Variants in TPM1 observed in about 807,000 individuals in gnomAD.
TPM1 encodes the protein tropomyosin alpha-1 chain.
A neutral mutation model predicts 42.9 loss-of-function variants in TPM1; 24 were observed. The observed-to-expected ratio is 0.56, with a 90% CI of 0.41 to 0.79. The LOEUF is 0.79. TPM1 is among the 30% of genes least tolerant of loss of function. TPM1 has a pLI of 0.00. For missense variants in TPM1, 158 were observed against 351.8 expected, an observed-to-expected ratio of 0.45 and a Z score of 4.41; for synonymous variants, 136 against 130.1, an observed-to-expected ratio of 1.05 and a Z score of -0.31.
At chr15:63,045,487 A>T (rs888937987) in intron 2 of TPM1, 9 of 152,252 alleles carry the variant, frequency 5.9e-5, no homozygotes, top group Non-Finnish European at 8.8e-5. Flanking sequence ...TGCTCTATAT[A>T]TGGCTAAATG....
chr15:63,063,806 A>T (rs2035961911), intron 8 of TPM1: 2 of 494,878 alleles, frequency 4.0e-6, no homozygotes, highest in Admixed American at 3.6e-5. Context: ...TATACCTACC[A>T]TATTTGTTAG....
chr15:63,057,123 G>A lies in TPM1; in HGVS notation c.374+5G>A, dbSNP rs2034929784. On this transcript the variant is annotated splice_donor_5th_base_variant and intron_variant, in intron 3 of 9. Coordinates refer to ENST00000403994, the MANE Select transcript of TPM1 (RefSeq NM_001018005.2). ...GGCAGCAGATGAGAGTGAGAGGTGA[G>A]AATGCCTCATCAGCCATCTTTTGCA... 6.2e-7 allele frequency: 1 copy of A among 1,614,100 alleles called. No homozygotes were observed. Among genetic ancestry groups the A allele is most frequent in the Non-Finnish European group, 8.5e-7 (1 of 1,179,990 alleles).
chr15:63,063,162 C>T (rs970984545), intron 8 of TPM1: 2 of 983,662 alleles, frequency 2.0e-6, no homozygotes, highest in East Asian at 2.3e-4. Flanking sequence ...TTCCCTAAGG[C>T]ACTTAGGTTT....
rs753572625 is a variant in TPM1 at position 63,065,929 on chromosome 15, C to T, written c.*30C>T. On this transcript the variant is annotated 3_prime_UTR_variant, in exon 10 of 10. Coordinates refer to ENST00000403994, the MANE Select transcript of TPM1 (RefSeq NM_001018005.2). ...CTTTGCTTCACTTCTCCCAAGACTCCCTCGTCGAGCTGGATGTCCCACCTC... is the reference window on the plus strand; with the variant it reads ...CTTTGCTTCACTTCTCCCAAGACTCTCTCGTCGAGCTGGATGTCCCACCTC... 27 of 1,610,010 alleles carry T rather than the reference C, an allele frequency of 1.7e-5. No individual in the cohort carries two copies. The Middle Eastern group carries it at 2.5e-3, about 148-fold the overall frequency.
intron 2 of TPM1, chr15:63,056,554 CTA>C: frequency 5.6e-6 from 1 of 177,808 alleles, no homozygotes; most frequent in Non-Finnish European, 1.1e-5. Flanking sequence ...GTAGTCCCAA[CTA>C]CTCGGGAGGC....
intron 1 of TPM1, 38 bp downstream of exon 1, chr15:63,042,981 G>A (rs986715486): frequency 1.3e-6 from 2 of 1,541,046 alleles, no homozygotes; most frequent in African/African-American, 2.7e-5. Context: ...CGCCCAGAGC[G>A]CCGGGACTCG....
intron 5 of TPM1, 27 bp from the exon 6 acceptor site, chr15:63,061,686 C>T (rs766242495): frequency 6.2e-7 from 1 of 1,610,686 alleles, no homozygotes. Context: ...GTCTCCCACC[C>T]TTTCTGCCTC....
chr15:63,060,248 A>G (rs1327977794), intron 4 of TPM1, among the ~76,000 whole-genome samples: 1 of 152,234 alleles, frequency 6.6e-6, no homozygotes, highest in Admixed American at 6.5e-5. Context: ...ATTGGATCAC[A>G]TCGTGGCTAT....
chr15:63,070,028 A>G, downstream of TPM1: 1 of 1,600,504 alleles, frequency 6.2e-7, no homozygotes, highest in South Asian at 1.1e-5. Flanking sequence ...TTCAACTAAT[A>G]GAGTTGAAAA....
At chr15:63,049,809 A>G (rs1475829261) in intron 2 of TPM1, among the ~76,000 whole-genome samples, 1 of 152,224 alleles carries the variant, frequency 6.6e-6, no homozygotes, top group Non-Finnish European at 1.5e-5. Context: ...GGCAAAAGAT[A>G]ATTCTCAGTA....
At position 63,061,809 on chromosome 15, in the gene TPM1, G is replaced by C. The variant is rs199989220; in HGVS notation, c.639+21G>C. 3.7e-4 allele frequency: 595 copies of C among 1,611,008 alleles called. No individual in the cohort carries two copies. The highest frequency in any genetic ancestry group is 5.2e-4 in the Admixed American group (31 of 59,988). ...AGAAGGTAGGCCAGGAGGATGGTGTGGGGGAAAGGCATCTTTTAAGAGCTG... is the reference window on the plus strand; with the variant it reads ...AGAAGGTAGGCCAGGAGGATGGTGTCGGGGAAAGGCATCTTTTAAGAGCTG... On this transcript the variant is annotated intron_variant, in intron 6 of 9. Transcript: ENST00000403994.
At chr15:63,065,803 G>C in intron 9 of TPM1, 93 bp from the exon 10 acceptor site, 5 of 1,450,476 alleles carry the variant, frequency 3.4e-6, no homozygotes, top group Non-Finnish European at 4.7e-6. Flanking sequence ...TGTGTTTCAA[G>C]TGCTCTCATC....
chr15:63,050,126 TGCTTGGC>T (rs1288614538), intron 2 of TPM1, among the ~76,000 whole-genome samples: 1 of 152,240 alleles, frequency 6.6e-6, no homozygotes, highest in Non-Finnish European at 1.5e-5. Context: ...AGTACACTGA[TGCTTGGC>T]GCAAAAGGGT....
chr15:63,070,144 A>G (rs1471568088), downstream of TPM1: 10 of 1,428,598 alleles, frequency 7.0e-6, no homozygotes, highest in East Asian at 1.9e-4. Context: ...TTTAATCACA[A>G]AACAGCTTTT....
rs781638696 is a variant in TPM1 at position 63,062,201 on chromosome 15, C to T, written c.640-14C>T. 6.2e-7 allele frequency: 1 copy of T among 1,613,588 alleles called. No individual in the cohort carries two copies. The highest frequency in any genetic ancestry group is 1.7e-5 in the Admixed American group (1 of 60,024). ...GCTGCAGCCTGACATCTGGAATGCT[C>T]TTTCTAATTACAGTACTCGCAGAAG... On this transcript the variant is annotated splice_polypyrimidine_tract_variant and intron_variant, in intron 6 of 9. Transcript: ENST00000403994.
intron 8 of TPM1, chr15:63,063,190 C>G (rs1352912908): frequency 3.0e-6 from 3 of 985,250 alleles, no homozygotes; most frequent in Non-Finnish European, 3.6e-6. Flanking sequence ...GTAATAACCA[C>G]TCTATCTCAC....
chr15:63,065,102 A>T (rs1265928584), intron 9 of TPM1: 1 of 985,376 alleles, frequency 1.0e-6, no homozygotes, highest in Non-Finnish European at 1.2e-6. Context: ...ATGGGAAATT[A>T]AACACAGATT....
chr15:63,052,880 G>A lies in TPM1; in HGVS notation c.241-4105G>A, dbSNP rs183950171. ...AAGTAAAAATAAGAAAGAGAAAAAA[G>A]TGGCCCTGATTAAATTATAAAATTA... On this transcript the variant is annotated intron_variant, in intron 2 of 9. Transcript: ENST00000403994. Among the ~76,000 whole-genome samples the A allele has an allele frequency of 2.6e-4, 39 of 152,220 alleles. No individual in the cohort carries two copies. The Middle Eastern group carries it at 0.014, about 53-fold the overall frequency.
intron 2 of TPM1, chr15:63,047,381 A>G (rs1410742097): frequency 6.6e-6 from 1 of 152,276 alleles, no homozygotes; most frequent in Non-Finnish European, 1.5e-5. Context: ...AAACCTGAGG[A>G]GAAAAAGCCC....
Sources: allele counts gnomAD v4.1 joint callset (sites outside exome capture counted in the v4.1 genomes callset), GRCh38; gene constraint gnomAD v4.1.1; transcripts MANE v1.5; gene names NCBI Gene and HGNC (gene_info 2026-07-23, HGNC 2026-07-21).